Variants in SFMBT2 observed in about 807,000 individuals in gnomAD.
SFMBT2 encodes the protein scm-like with four MBT domains protein 2.
Under a neutral mutation model 110.1 loss-of-function variants are expected in SFMBT2, and 38 were observed. The observed-to-expected ratio is 0.35, with a 90% CI of 0.27 to 0.45. The LOEUF (loss-of-function observed/expected upper bound fraction) is 0.45, where lower values mean the gene tolerates loss of function less well. Ranked by LOEUF, SFMBT2 falls within the 20% of genes least tolerant of loss-of-function variation. SFMBT2 has a pLI of 1.00. For synonymous variants in SFMBT2, 425 were observed against 425.4 expected (o/e 1.00, Z 0.01); for missense variants, 1,011 against 1,094.9 (o/e 0.92, Z 1.08).
intron 1 of SFMBT2, among the ~76,000 whole-genome samples, chr10:7,396,258 A>C (rs1845924124): frequency 6.6e-6 from 1 of 152,118 alleles, no homozygotes; most frequent in South Asian, 2.1e-4. Flanking sequence ...AACAAGACAA[A>C]ACAAAGGCTG....
chr10:7,320,673 C>T, intron 4 of SFMBT2: 1 of 933,846 alleles, frequency 1.1e-6, no homozygotes, highest in Non-Finnish European at 1.3e-6. Flanking sequence ...TTTCATTTTT[C>T]AGATGAAGAA....
intron 20 of SFMBT2, chr10:7,164,529 G>A (rs910235023): frequency 3.7e-6 from 3 of 804,814 alleles, no homozygotes; most frequent in South Asian, 5.6e-5. Flanking sequence ...CAAGCTTATC[G>A]CCCCTTGCTG....
At chr10:7,256,625 C>T (rs922817887) in intron 7 of SFMBT2, among the ~76,000 whole-genome samples, 1 of 152,210 alleles carries the variant, frequency 6.6e-6, no homozygotes, top group Non-Finnish European at 1.5e-5. Context: ...AAAATGTCCA[C>T]AGTGCTTCAT....
chr10:7,388,669 C>T (rs1027679492), intron 1 of SFMBT2, among the ~76,000 whole-genome samples: 12 of 151,874 alleles, frequency 7.9e-5, no homozygotes, highest in African/African-American at 2.9e-4. Flanking sequence ...AGCCACCACA[C>T]CCCACCAGAA....
intron 2 of SFMBT2, among the ~76,000 whole-genome samples, chr10:7,376,725 C>CAA (rs1564465304): frequency 1.3e-4 from 2 of 14,902 alleles, no homozygotes; most frequent in Non-Finnish European, 2.5e-4. Context: ...AAGGCCCTCC[C>CAA]ACAAAAAAAA....
intron 16 of SFMBT2, among the ~76,000 whole-genome samples, chr10:7,181,702 T>G (rs1439466508): frequency 6.6e-6 from 1 of 152,212 alleles, no homozygotes; most frequent in Non-Finnish European, 1.5e-5. Context: ...GATAAATTGA[T>G]TGTGAAATCC....
At chr10:7,214,964 C>CG (rs551975313) in intron 11 of SFMBT2, among the ~76,000 whole-genome samples, 9 of 152,360 alleles carry the variant, frequency 5.9e-5, no homozygotes, top group African/African-American at 2.2e-4. Context: ...GTAAGGAAGT[C>CG]TGCTTGTCTT....
chr10:7,339,218 C>T (rs1051464794), intron 4 of SFMBT2, among the ~76,000 whole-genome samples: 2 of 151,952 alleles, frequency 1.3e-5, no homozygotes, highest in African/African-American at 4.8e-5. Flanking sequence ...CCAGCTTAGG[C>T]AACAAAGCGA....
chr10:7,169,510 T>C (rs944219607), intron 20 of SFMBT2, among the ~76,000 whole-genome samples: 3 of 152,236 alleles, frequency 2.0e-5, no homozygotes, highest in African/African-American at 7.2e-5. Context: ...CCTGATTTAA[T>C]GCTGGAAATA....
At chr10:7,233,668 T>C (rs534722494) in intron 9 of SFMBT2, among the ~76,000 whole-genome samples, 1 of 152,314 alleles carries the variant, frequency 6.6e-6, no homozygotes, top group South Asian at 2.1e-4. Flanking sequence ...TCTGAGAAAG[T>C]TTCACAACTC....
At chr10:7,349,873 T>A (rs184302941) in intron 4 of SFMBT2, among the ~76,000 whole-genome samples, 1 of 152,132 alleles carries the variant, frequency 6.6e-6, no homozygotes, top group African/African-American at 2.4e-5. Flanking sequence ...TCAAGGACAG[T>A]ATTTGATGGA....
intron 7 of SFMBT2, among the ~76,000 whole-genome samples, chr10:7,259,030 G>A (rs924870175): frequency 5.3e-5 from 8 of 152,188 alleles, no homozygotes; most frequent in Non-Finnish European, 1.2e-4. Flanking sequence ...TAGTATCATA[G>A]ATCACAACCT....
chr10:7,243,948 A>G (rs1045482089), intron 8 of SFMBT2: 4 of 251,846 alleles, frequency 1.6e-5, no homozygotes, highest in Non-Finnish European at 2.5e-5. Flanking sequence ...GTGAGAATGA[A>G]CAAAATCAAA....
chr10:7,362,441 G>C (rs1302659926), intron 4 of SFMBT2, among the ~76,000 whole-genome samples: 1 of 152,146 alleles, frequency 6.6e-6, no homozygotes, highest in Non-Finnish European at 1.5e-5. Flanking sequence ...GACTGCACAG[G>C]GTCCTAAGTG....
At chr10:7,204,083 C>T (rs1301345990) in intron 12 of SFMBT2, 4 of 235,118 alleles carry the variant, frequency 1.7e-5, no homozygotes, top group African/African-American at 2.3e-5. Flanking sequence ...TTATTGTACA[C>T]TCAATGTTTT....
At chr10:7,285,385 A>G (rs535948994) in intron 5 of SFMBT2, 1 of 152,396 alleles carries the variant, frequency 6.6e-6, no homozygotes, top group African/African-American at 2.4e-5. Context: ...TTACAAGAGA[A>G]GTTAATTCAA....
At chr10:7,359,552 T>C (rs1231631236) in intron 4 of SFMBT2, among the ~76,000 whole-genome samples, 3 of 152,212 alleles carry the variant, frequency 2.0e-5, no homozygotes, top group Admixed American at 2.0e-4. Context: ...AGAAAATAAA[T>C]TCATTTATGA....
intron 7 of SFMBT2, among the ~76,000 whole-genome samples, chr10:7,250,594 G>C (rs1475708560): frequency 1.3e-5 from 2 of 152,152 alleles, no homozygotes; most frequent in Non-Finnish European, 2.9e-5. Context: ...TTCCCTTTGG[G>C]TATACAGCCA....
chr10:7,400,909 G>A (rs1471524357), intron 1 of SFMBT2, among the ~76,000 whole-genome samples: 3 of 152,196 alleles, frequency 2.0e-5, no homozygotes, highest in Non-Finnish European at 2.9e-5. Context: ...GAGGCGGGCG[G>A]ATTACCTGAG....
Sources: gnomAD v4.1 joint callset for allele counts (sites outside exome capture counted in the v4.1 genomes callset) on GRCh38, gnomAD v4.1.1 for gene constraint, MANE v1.5 for transcripts, NCBI Gene and HGNC (gene_info 2026-07-23, HGNC 2026-07-21) for gene names.